Variants in CEP290 observed in about 807,000 individuals in gnomAD.
The protein encoded by CEP290 is centrosomal protein of 290 kDa.
Under a neutral mutation model 344.9 loss-of-function variants are expected in CEP290, and 317 were observed. The observed-to-expected ratio is 0.92, with a 90% CI of 0.84 to 1.01. The LOEUF (loss-of-function observed/expected upper bound fraction) is 1.01, where lower values mean the gene tolerates loss of function less well. Among genes scored for constraint, CEP290 ranks in the 50% least tolerant of loss-of-function variants. CEP290 has a pLI of 0.00. For missense variants in CEP290, 2,754 were observed against 2,761.4 expected, an observed-to-expected ratio of 1.00 and a Z score of 0.06; for synonymous variants, 932 against 895.8, an observed-to-expected ratio of 1.04 and a Z score of -0.72.
At chr12:88,125,490 G>A (rs1455510611) in intron 12 of CEP290, 121 bp from the exon 13 acceptor site, 1 of 399,948 alleles carries the variant, frequency 2.5e-6, no homozygotes, top group Non-Finnish European at 4.2e-6. Context: ...GTGGGTACAA[G>A]TATGCCTTTT....
intron 29 of CEP290, 60 bp downstream of exon 29, chr12:88,092,621 T>TA: frequency 6.7e-7 from 1 of 1,489,856 alleles, no homozygotes; most frequent in Non-Finnish European, 9.0e-7. Flanking sequence ...TTGGGTTTCT[T>TA]AAAGACAAAT....
intron 15 of CEP290, 126 bp downstream of exon 15, chr12:88,119,988 T>A: frequency 3.6e-6 from 2 of 549,808 alleles, no homozygotes; most frequent in Non-Finnish European, 2.9e-6. Context: ...TTGTATTAAA[T>A]GTTTTATAAA....
intron 39 of CEP290, among the ~76,000 whole-genome samples, chr12:88,078,243 T>C (rs1474819601): frequency 1.3e-5 from 2 of 152,078 alleles, no homozygotes; most frequent in South Asian, 2.1e-4. Context: ...TATAACAATA[T>C]ATATGACAAC....
intron 21 of CEP290, 102 bp from the exon 22 acceptor site, chr12:88,111,453 T>A (rs2038684663): frequency 1.7e-6 from 2 of 1,146,066 alleles, no homozygotes. Flanking sequence ...ACCTCAACCA[T>A]ACTTCAGTTT....
In CEP290 at chr12:88,126,876, T is replaced by A. The variant is rs550549329; in HGVS notation, c.943-438A>T. Among the ~76,000 whole-genome samples, 6 of 152,166 alleles carry A rather than the reference T, an allele frequency of 3.9e-5. No individual in the cohort carries two copies. In the East Asian group the frequency reaches 1.2e-3, roughly 29 times the overall value. On this transcript the variant is annotated intron_variant, in intron 11 of 53. Transcript: ENST00000552810. Reference sequence around the variant, plus strand: ...GGACCAAATAACATAAAAAGGTTTATCCTAAATCAATCTATAAAACAATTT... The same window carrying A: ...GGACCAAATAACATAAAAAGGTTTAACCTAAATCAATCTATAAAACAATTT...
intron 40 of CEP290, among the ~76,000 whole-genome samples, 175 bp from the exon 41 acceptor site, chr12:88,077,519 C>G (rs1234208993): frequency 6.6e-6 from 1 of 151,832 alleles, no homozygotes; most frequent in African/African-American, 2.4e-5. Flanking sequence ...ATACAACATA[C>G]TAATATGCTA....
Position 88,077,086 on chromosome 12 carries a change from T to C in CEP290, c.5709+136A>G, listed in dbSNP as rs934768350. 1.4e-5 allele frequency: 11 copies of C among 791,426 alleles called. No homozygotes were observed. In the Admixed American group the frequency reaches 3.7e-4, roughly 27 times the overall value. 49.0% of individuals were successfully genotyped at this position (791,426 alleles called of 1,614,324 possible). ...TTTCTACGTTATTCAATACTGCTTA[T>C]AGTCCTCAAAATTAATACAGAATTA... On this transcript the variant is annotated intron_variant, in intron 41 of 53. Coordinates refer to ENST00000552810, the MANE Select transcript of CEP290 (RefSeq NM_025114.4).
intron 46 of CEP290, 48 bp from the exon 47 acceptor site, chr12:88,061,042 A>G: frequency 1.5e-6 from 2 of 1,370,290 alleles, no homozygotes; most frequent in Non-Finnish European, 2.0e-6. Flanking sequence ...TAGTAAGTAT[A>G]ATACGAAGTA....
chr12:88,098,554 A>G (rs1368737265), intron 26 of CEP290, among the ~76,000 whole-genome samples: 2 of 151,782 alleles, frequency 1.3e-5, no homozygotes, highest in Non-Finnish European at 2.9e-5. Context: ...CAAGGCTGCA[A>G]TGAGCTATGA....
chr12:88,116,274 GA>G lies in CEP290; in HGVS notation c.1824+758del, dbSNP rs544686891. Reference sequence around the variant, plus strand: ...GACTAACGATTCTAGATTTCTTGAAGACTGCAGACATGGTGCTTTAAAAATC... The same window carrying G: ...GACTAACGATTCTAGATTTCTTGAAGCTGCAGACATGGTGCTTTAAAAATC... On this transcript the variant is annotated intron_variant, in intron 18 of 53. Coordinates refer to ENST00000552810, the MANE Select transcript of CEP290 (RefSeq NM_025114.4). Among the ~76,000 whole-genome samples, 42 of 152,286 alleles carry G rather than the reference GA, an allele frequency of 2.8e-4. 1 individual carries two copies. The highest frequency in any genetic ancestry group is 9.6e-4 in the African/African-American group (40 of 41,554).
chr12:88,076,264 A>G (rs1227420495), intron 41 of CEP290, among the ~76,000 whole-genome samples: 1 of 152,142 alleles, frequency 6.6e-6, no homozygotes, highest in Non-Finnish European at 1.5e-5. Context: ...AATAAATTAC[A>G]CTGACATTAA....
At chr12:88,139,325 T>G in intron 4 of CEP290, 134 bp from the exon 5 acceptor site, 1 of 507,090 alleles carries the variant, frequency 2.0e-6, no homozygotes. Flanking sequence ...AAAAGTATTA[T>G]ATGGCAGATC....
intron 32 of CEP290, 47 bp downstream of exon 32, chr12:88,087,733 A>C (rs1165957754): frequency 2.6e-6 from 2 of 775,766 alleles, no homozygotes; most frequent in Non-Finnish European, 3.5e-6. Flanking sequence ...AAAAAAAAAA[A>C]AAAAAAAAAA....
At chr12:88,057,530 A>G (rs1179931128) in intron 49 of CEP290, among the ~76,000 whole-genome samples, 1 of 151,916 alleles carries the variant, frequency 6.6e-6, no homozygotes, top group East Asian at 1.9e-4. Flanking sequence ...CCCTTCTCCC[A>G]CTCCATATCA....
In CEP290 at chr12:88,129,687, T is replaced by C. The variant is rs1470348762; in HGVS notation, c.852+7A>G. ...AATAAATAAGTTATTCTAAAAGTAA[T>C]TCTTACTTGAAGTTGATAATGATCG... On this transcript the variant is annotated splice_region_variant and intron_variant, in intron 10 of 53. Transcript: ENST00000552810. The C allele has an allele frequency of 7.4e-7, 1 of 1,352,662 alleles. No individual in the cohort carries two copies. 83.8% of individuals were successfully genotyped at this position (1,352,662 alleles called of 1,614,324 possible).
At chr12:88,112,910 A>G (rs1398918833) in intron 20 of CEP290, among the ~76,000 whole-genome samples, 1 of 152,104 alleles carries the variant, frequency 6.6e-6, no homozygotes, top group Non-Finnish European at 1.5e-5. Flanking sequence ...GTCTACATGG[A>G]CTTTGGTAAA....
chr12:88,137,517 T>A (rs2040412568), intron 5 of CEP290, among the ~76,000 whole-genome samples: 2 of 152,190 alleles, frequency 1.3e-5, no homozygotes, highest in Non-Finnish European at 2.9e-5. Flanking sequence ...TGTCTCACAT[T>A]CATTTCTTCA....
chr12:88,059,675 G>A (rs1286847424), intron 48 of CEP290, among the ~76,000 whole-genome samples: 3 of 152,064 alleles, frequency 2.0e-5, no homozygotes, highest in East Asian at 3.9e-4. Context: ...CCAAAGTGCT[G>A]GGATTACAGG....
intron 17 of CEP290, 73 bp downstream of exon 17, chr12:88,118,410 C>A: frequency 8.2e-7 from 1 of 1,215,956 alleles, no homozygotes; most frequent in Non-Finnish European, 1.2e-6. Flanking sequence ...ACAGCTAAGA[C>A]ACAAATAATT....
Sources: gnomAD v4.1 joint callset for allele counts (sites outside exome capture counted in the v4.1 genomes callset) on GRCh38, gnomAD v4.1.1 for gene constraint, MANE v1.5 for transcripts, NCBI Gene and HGNC (gene_info 2026-07-23, HGNC 2026-07-21) for gene names.